Variants in CDH23 observed in about 807,000 individuals in gnomAD.
CDH23 encodes the protein cadherin-23.
A neutral mutation model predicts 317.1 loss-of-function variants in CDH23; 189 were observed. The ratio of observed to expected loss-of-function variants is 0.60; its 90% CI spans 0.53 to 0.67. The LOEUF is 0.67. Among genes scored for constraint, CDH23 ranks in the 30% least tolerant of loss-of-function variants. The pLI is 0.00. For missense variants in CDH23, 4,401 were observed against 4,592.4 expected (o/e 0.96, Z 1.20); for synonymous variants, 1,839 against 1,876.8 (o/e 0.98, Z 0.52).
chr10:71,703,715 G>A (rs1865675387), intron 24 of CDH23, among the ~76,000 whole-genome samples: 1 of 152,212 alleles, frequency 6.6e-6, no homozygotes, highest in African/African-American at 2.4e-5. Flanking sequence ...ATCTGTAGGA[G>A]GAGGTGAATG....
intron 7 of CDH23, 24 bp downstream of exon 7, chr10:71,566,960 G>C (rs781623814): frequency 6.2e-7 from 1 of 1,603,212 alleles, no homozygotes; most frequent in Non-Finnish European, 8.5e-7. Context: ...CTGGGGCCCC[G>C]GCCGTCCCAG....
intron 53 of CDH23, among the ~76,000 whole-genome samples, chr10:71,801,396 C>T (rs1172616073): frequency 2.0e-5 from 3 of 152,008 alleles, no homozygotes; most frequent in Non-Finnish European, 4.4e-5. Flanking sequence ...TCAGGTGATT[C>T]GCCCACCTCG....
intron 3 of CDH23, among the ~76,000 whole-genome samples, chr10:71,477,959 T>C (rs1011010127): frequency 6.6e-6 from 1 of 152,120 alleles, no homozygotes; most frequent in Non-Finnish European, 1.5e-5. Flanking sequence ...GTACTTTTTC[T>C]CTTCTCCACA....
chr10:71,466,263 C>T (rs7088143), intron 3 of CDH23, among the ~76,000 whole-genome samples: 83,046 of 152,006 alleles, frequency 0.55, 23,114 homozygotes, highest in East Asian at 0.77. Flanking sequence ...TGTTAGTGTG[C>T]CTCTGCCCAC....
intron 3 of CDH23, among the ~76,000 whole-genome samples, chr10:71,472,430 C>T (rs945889602): frequency 2.6e-5 from 4 of 152,214 alleles, no homozygotes; most frequent in African/African-American, 7.2e-5. Context: ...CCCGTGTGAC[C>T]GATTCCCCAC....
chr10:71,673,120 A>G (rs1366845948), intron 14 of CDH23, among the ~76,000 whole-genome samples: 2 of 151,438 alleles, frequency 1.3e-5, no homozygotes, highest in East Asian at 1.9e-4. Context: ...TTTTCTCTGC[A>G]CCACCCCCTT....
intron 11 of CDH23, among the ~76,000 whole-genome samples, chr10:71,643,111 C>G (rs1311747780): frequency 6.6e-6 from 1 of 152,200 alleles, no homozygotes; most frequent in Non-Finnish European, 1.5e-5. Context: ...TCTATATGCA[C>G]AGTTATGGAC....
intron 3 of CDH23, among the ~76,000 whole-genome samples, chr10:71,456,089 G>C (rs903797444): frequency 6.6e-6 from 1 of 151,874 alleles, no homozygotes; most frequent in African/African-American, 2.4e-5. Flanking sequence ...GAGTCTCCAG[G>C]TGCCTCGCAG....
intron 1 of CDH23, among the ~76,000 whole-genome samples, chr10:71,427,353 T>C (rs944560961): frequency 6.6e-6 from 1 of 152,160 alleles, no homozygotes; most frequent in African/African-American, 2.4e-5. Context: ...AGATCTACTT[T>C]CTGCCTCTAA....
rs139340477 is a variant in CDH23 at position 71,658,480 on chromosome 10, C to T, written c.1449+11863C>T. The stretch of plus-strand genomic sequence containing the variant: ...ATTTAAGGCCTCACTGCCTGTCCCG[C>T]CTTTGAAGCACTCCACAGCCTCTGT... On this transcript the variant is annotated intron_variant, in intron 14 of 69. Transcript: ENST00000224721. Among the ~76,000 whole-genome samples the T allele has an allele frequency of 1.9e-3, 289 of 152,330 alleles. 1 individual carries two copies. The highest frequency in any genetic ancestry group is 6.7e-3 in the African/African-American group (278 of 41,580).
rs891809116 is a variant in CDH23 at position 71,798,242 on chromosome 10, G to C, written c.6830-112G>C. The C allele has an allele frequency of 5.3e-6, 4 of 752,384 alleles. No homozygotes were observed. The South Asian group carries it at 6.5e-5, about 12-fold the overall frequency. 46.6% of individuals were successfully genotyped at this position (752,384 alleles called of 1,614,324 possible). The stretch of plus-strand genomic sequence containing the variant: ...TCAGGTCAATCCTCAGGCAGCCTCT[G>C]GGGGGCTGTGGGATGCTGCCATGCT... On this transcript the variant is annotated intron_variant, in intron 49 of 69. Transcript: ENST00000224721.
chr10:71,722,285 A>C (rs73275842), intron 28 of CDH23, among the ~76,000 whole-genome samples: 5,591 of 152,254 alleles, frequency 0.037, 373 homozygotes, highest in African/African-American at 0.13. Context: ...TACAAAAAAA[A>C]TAATAATAAT....
chr10:71,752,437 G>T (rs1173356131), intron 38 of CDH23, among the ~76,000 whole-genome samples: 1 of 152,108 alleles, frequency 6.6e-6, no homozygotes, highest in Non-Finnish European at 1.5e-5. Flanking sequence ...CAGGAACTTG[G>T]GTTCCCTGAA....
intron 69 of CDH23, among the ~76,000 whole-genome samples, chr10:71,813,820 A>G (rs907464950): frequency 6.6e-6 from 1 of 152,160 alleles, no homozygotes; most frequent in Non-Finnish European, 1.5e-5. Context: ...AGGCAGGAGA[A>G]TTGCTGGAAC....
intron 3 of CDH23, among the ~76,000 whole-genome samples, chr10:71,474,844 G>A (rs1327846550): frequency 3.3e-5 from 5 of 152,334 alleles, no homozygotes; most frequent in African/African-American, 4.8e-5. Context: ...AGCCCCCAGC[G>A]CATGCCAAGT....
chr10:71,646,656 A>AG, intron 14 of CDH23, 39 bp downstream of exon 14: 1 of 1,614,000 alleles, frequency 6.2e-7, no homozygotes, highest in East Asian at 2.2e-5. Context: ...TGAGCTCTCC[A>AG]GGGCCGACTG....
In CDH23 at chr10:71,730,735, G is replaced by A. The variant is rs1839349128; in HGVS notation, c.3715+131G>A. 4 of 1,331,158 alleles carry A rather than the reference G, an allele frequency of 3.0e-6. No individual in the cohort carries two copies. The Admixed American group carries it at 6.1e-5, about 20-fold the overall frequency. The allele number at this position is 1,331,158 out of a possible 1,614,324, so 82.5% of individuals were successfully genotyped here. A position where few individuals can be genotyped will look rare whatever the true frequency, so the allele number is the denominator to read the frequency against. On this transcript the variant is annotated intron_variant, in intron 31 of 69. Coordinates refer to ENST00000224721, the MANE Select transcript of CDH23 (RefSeq NM_022124.6). ...CATTTAGCCATGTCTAGGCCAGGGA[G>A]GGGCTGCTGGGATGGTCTTGATCAC...
In CDH23 at chr10:71,803,658, T is replaced by C. The variant is rs189857783; in HGVS notation, c.7872+238T>C. Among the ~76,000 whole-genome samples, 13 of 152,040 alleles carry C rather than the reference T, an allele frequency of 8.6e-5. No individual in the cohort carries two copies. In the East Asian group the frequency reaches 2.3e-3, roughly 27 times the overall value. On this transcript the variant is annotated intron_variant, in intron 55 of 69. Transcript: ENST00000224721. ...GCAGTATTGAACAGTGGTTACTATA[T>C]GGGCTGTGCTAGTAAAAGATCTTTG...
chr10:71,679,318 G>A, intron 16 of CDH23, 69 bp from the exon 17 acceptor site: 1 of 683,512 alleles, frequency 1.5e-6, no homozygotes, highest in Non-Finnish European at 2.6e-6. Context: ...CACCCTCCCA[G>A]CTGCCCACCC....
Sources: allele counts gnomAD v4.1 joint callset (sites outside exome capture counted in the v4.1 genomes callset), GRCh38; gene constraint gnomAD v4.1.1; transcripts MANE v1.5; gene names NCBI Gene and HGNC (gene_info 2026-07-23, HGNC 2026-07-21).